ANGPT2: variants seen among roughly 807,000 people sequenced by gnomAD.
The protein encoded by ANGPT2 is angiopoietin-2.
A neutral mutation model predicts 62.9 loss-of-function variants in ANGPT2; 28 were observed. The observed-to-expected ratio is 0.44, with a 90% CI of 0.33 to 0.61. The LOEUF is 0.61. ANGPT2 is among the 20% of genes least tolerant of loss of function. The probability of loss-of-function intolerance (pLI) is 0.03; values close to 1 mark genes in which losing one functional copy is unlikely to be tolerated. For synonymous variants in ANGPT2, 284 were observed against 207.8 expected (o/e 1.37, Z -3.15); for missense variants, 727 against 594.9 (o/e 1.22, Z -2.31).
At chr8:6,544,554 G>A (rs1172949158) in intron 1 of ANGPT2, among the ~76,000 whole-genome samples, 3 of 152,142 alleles carry the variant, frequency 2.0e-5, no homozygotes, top group Non-Finnish European at 2.9e-5. Flanking sequence ...AGAGTTTGTC[G>A]AAGTTTTTTT....
At position 6,500,889 on chromosome 8, in the gene ANGPT2, G is replaced by A. The variant is rs938733558; in HGVS notation, c.*2212C>T. 2 of 152,192 alleles carry A rather than the reference G, an allele frequency of 1.3e-5. No individual in the cohort carries two copies. Among genetic ancestry groups the A allele is most frequent in the African/African-American group, 4.8e-5 (2 of 41,452 alleles). The allele number at this position is 152,192 out of a possible 1,614,324, so 9.4% of individuals were successfully genotyped here. On this transcript the variant is annotated 3_prime_UTR_variant, in exon 9 of 9. Coordinates refer to ENST00000629816, the MANE Select transcript of ANGPT2 (RefSeq NM_001118887.2). ...ATTTTTTATCACCTGCCTACAAAGA[G>A]AATTGATATAAATTGTGTTGTTGCC...
Position 6,562,627 on chromosome 8 carries a change from C to A in ANGPT2, c.288+20G>T. ...GATCTTAATAGCATGTTCACAAAGACAGATGGATTTTTTTCCTACCTTCAT... is the reference window on the plus strand; with the variant it reads ...GATCTTAATAGCATGTTCACAAAGAAAGATGGATTTTTTTCCTACCTTCAT... On this transcript the variant is annotated intron_variant, in intron 1 of 8. Coordinates refer to ENST00000629816, the MANE Select transcript of ANGPT2 (RefSeq NM_001118887.2). 7.7e-7 allele frequency: 1 copy of A among 1,291,354 alleles called. No homozygotes were observed. Among genetic ancestry groups the A allele is most frequent in the East Asian group, 4.1e-5 (1 of 24,670 alleles). 80.0% of individuals were successfully genotyped at this position (1,291,354 alleles called of 1,614,324 possible). A position where few individuals can be genotyped will look rare whatever the true frequency, so the allele number is the denominator to read the frequency against.
rs142110344 is a variant in ANGPT2, at chr8:6,532,445, C to T, written c.331G>A (p.Glu111Lys). ...IQDNMKKEMVEIQQNAVQNQT... is the reference protein window; with the variant it reads ...IQDNMKKEMVKIQQNAVQNQT... ...TTCTGTACTGCATTCTGCTGTATCT[C>T]TACCATTTCTTTCTTCATGTTGTCC... The change falls in exon 2 of 9, where the codon GAG becomes AAG. Residue 111 changes from glutamate (E) to lysine (K), a missense_variant. Physicochemically the swap from Glu to Lys is moderately conservative, Grantham distance 56. Coordinates refer to ENST00000629816, the MANE Select transcript of ANGPT2 (RefSeq NM_001118887.2). 11 of 1,613,808 alleles carry T rather than the reference C, an allele frequency of 6.8e-6. No homozygotes were observed. The African/African-American group carries it at 1.3e-4, about 20-fold the overall frequency.
At chr8:6,521,953 C>A (rs1008795129) in intron 3 of ANGPT2, among the ~76,000 whole-genome samples, 1 of 152,286 alleles carries the variant, frequency 6.6e-6, no homozygotes, top group South Asian at 2.1e-4. Flanking sequence ...ACCAGCCCTG[C>A]GACTTGGAAC....
chr8:6,504,297 G>C (rs894125839), intron 8 of ANGPT2, among the ~76,000 whole-genome samples: 1 of 119,384 alleles, frequency 8.4e-6, no homozygotes, highest in African/African-American at 3.3e-5. Flanking sequence ...CAGCCTGGGC[G>C]ACAGAGTGAG....
chr8:6,506,069 A>G (rs974470637), intron 8 of ANGPT2, among the ~76,000 whole-genome samples: 1 of 149,052 alleles, frequency 6.7e-6, no homozygotes, highest in Non-Finnish European at 1.5e-5. Flanking sequence ...GTGTTTATAC[A>G]TTGGTTTGTT....
In ANGPT2 at chr8:6,532,441, A is replaced by G. The variant is rs1819698026; in HGVS notation, c.335T>C (p.Ile112Thr). Residue 112 changes from isoleucine to threonine, a missense_variant, in exon 2 of 9, where the codon ATA becomes ACA. Ile to Thr is a moderately conservative substitution (Grantham distance 89, BLOSUM62 -1). Coordinates refer to ENST00000629816, the MANE Select transcript of ANGPT2 (RefSeq NM_001118887.2). ...QDNMKKEMVE[I>T]QQNAVQNQTA... ...CTGGTTCTGTACTGCATTCTGCTGT[A>G]TCTCTACCATTTCTTTCTTCATGTT... 6.2e-7 allele frequency: 1 copy of G among 1,614,060 alleles called. No individual in the cohort carries two copies. Among genetic ancestry groups the G allele is most frequent in the East Asian group, 2.2e-5 (1 of 44,880 alleles).
At chr8:6,530,952 G>C (rs937241911) in intron 2 of ANGPT2, among the ~76,000 whole-genome samples, 3 of 152,160 alleles carry the variant, frequency 2.0e-5, no homozygotes, top group Non-Finnish European at 4.4e-5. Flanking sequence ...TGCTGAAGTA[G>C]CATTTAGGAA....
intron 7 of ANGPT2, among the ~76,000 whole-genome samples, chr8:6,513,391 G>T (rs1180036894): frequency 6.8e-6 from 1 of 146,746 alleles, no homozygotes; most frequent in Non-Finnish European, 1.5e-5. Context: ...GCAGTGCCGT[G>T]GCACGATCTC....
Position 6,500,419 on chromosome 8 carries a change from A to G in ANGPT2, c.*2682T>C, listed in dbSNP as rs577137666. 1 of 156,822 alleles carries G rather than the reference A, an allele frequency of 6.4e-6. No homozygotes were observed. The highest frequency in any genetic ancestry group is 1.8e-4 in the East Asian group (1 of 5,462). 9.7% of individuals were successfully genotyped at this position (156,822 alleles called of 1,614,324 possible). On this transcript the variant is annotated 3_prime_UTR_variant, in exon 9 of 9. Coordinates refer to ENST00000629816, the MANE Select transcript of ANGPT2 (RefSeq NM_001118887.2). ...AAGATTAAGTAATAATTAAGTGGAT[A>G]ATTTAAAGTTTGCTTGGATACAGGA...
chr8:6,506,402 A>T (rs899976378), intron 8 of ANGPT2, among the ~76,000 whole-genome samples: 1 of 151,960 alleles, frequency 6.6e-6, no homozygotes, highest in Non-Finnish European at 1.5e-5. Context: ...TTCCAATTAC[A>T]TTCTCAGTCC....
At chr8:6,505,596 T>C (rs1489336131) in intron 8 of ANGPT2, among the ~76,000 whole-genome samples, 1 of 126,318 alleles carries the variant, frequency 7.9e-6, no homozygotes, top group Non-Finnish European at 1.6e-5. Flanking sequence ...TTTGTATATA[T>C]GGAATATATA....
At chr8:6,516,426 C>G (rs556203028) in intron 5 of ANGPT2, among the ~76,000 whole-genome samples, 1 of 152,160 alleles carries the variant, frequency 6.6e-6, no homozygotes, top group Non-Finnish European at 1.5e-5. Context: ...AATAAGGTCT[C>G]TTTGATTCCT....
rs577338917 is a variant in ANGPT2, at chr8:6,547,668, G to C, written c.288+14979C>G. On this transcript the variant is annotated intron_variant, in intron 1 of 8. Coordinates refer to ENST00000629816, the MANE Select transcript of ANGPT2 (RefSeq NM_001118887.2). ...TGAGTGCCTTTGAGTGACGGTGTGT[G>C]ACACACAGCACAGCAGCACCATTTC... is the stretch of plus-strand genomic sequence containing the variant. Among the ~76,000 whole-genome samples, 191 of 152,166 alleles carry C rather than the reference G, an allele frequency of 1.3e-3. 1 individual carries two copies. The highest frequency in any genetic ancestry group is 2.0e-3 in the Admixed American group (30 of 15,296).
intron 1 of ANGPT2, among the ~76,000 whole-genome samples, chr8:6,542,728 A>G (rs776755704): frequency 1.3e-5 from 2 of 152,126 alleles, no homozygotes. Context: ...TTTCTGTGTT[A>G]CATGGGTTTG....
intron 3 of ANGPT2, among the ~76,000 whole-genome samples, chr8:6,523,049 G>C (rs543984776): frequency 1.3e-5 from 2 of 151,790 alleles, no homozygotes; most frequent in East Asian, 1.9e-4. Context: ...CCAGACTGGA[G>C]TGCAAGGGTG....
At chr8:6,529,946 A>G (rs1563074073) in intron 2 of ANGPT2, among the ~76,000 whole-genome samples, 1 of 151,858 alleles carries the variant, frequency 6.6e-6, no homozygotes, top group Non-Finnish European at 1.5e-5. Flanking sequence ...TCTGACCGCT[A>G]TAGGATGTAG....
intron 8 of ANGPT2, among the ~76,000 whole-genome samples, chr8:6,505,720 C>CTATATATATTCTTTATATATACG (rs1554515019): frequency 1.6e-4 from 17 of 107,664 alleles, no homozygotes; most frequent in Admixed American, 6.2e-4. Context: ...TATATATATT[C>CTATATATATTCTTTATATATACG]TATATATATT....
chr8:6,549,253 A>G (rs1048392887), intron 1 of ANGPT2, among the ~76,000 whole-genome samples: 2 of 152,276 alleles, frequency 1.3e-5, no homozygotes, highest in African/African-American at 2.4e-5. Flanking sequence ...AAATTGTGTT[A>G]TACAGCGAAA....
Sources: allele counts gnomAD v4.1 joint callset (sites outside exome capture counted in the v4.1 genomes callset), GRCh38; gene constraint gnomAD v4.1.1; transcripts MANE v1.5; gene names NCBI Gene and HGNC (gene_info 2026-07-23, HGNC 2026-07-21).